Variants in FER1L6 observed in about 807,000 individuals in gnomAD.
FER1L6 encodes the protein fer-1-like protein 6.
A neutral mutation model predicts 219.2 loss-of-function variants in FER1L6; 177 were observed. That is an observed-to-expected ratio of 0.81 (90% confidence interval 0.71 to 0.91). The LOEUF (loss-of-function observed/expected upper bound fraction) is 0.91, where lower values mean the gene tolerates loss of function less well. FER1L6 is among the 40% of genes least tolerant of loss of function. The pLI is 0.00. For synonymous variants in FER1L6, 768 were observed against 824.3 expected (o/e 0.93, Z 1.17); for missense variants, 2,153 against 2,259.9 (o/e 0.95, Z 0.96).
intron 22 of FER1L6, among the ~76,000 whole-genome samples, chr8:124,057,301 G>A (rs1321474461): frequency 6.6e-6 from 1 of 152,110 alleles, no homozygotes; most frequent in Non-Finnish European, 1.5e-5. Flanking sequence ...TTTGGGCTGT[G>A]CTTTCTCTTT....
Position 123,948,863 on chromosome 8 carries a change from C to G in FER1L6, c.-7-7129C>G, listed in dbSNP as rs11985277. ...TATTGGTATGATACTGACTCAAGGACTTTTGTAAATATTGTTTGTCAGATT... is the reference window on the plus strand; with the variant it reads ...TATTGGTATGATACTGACTCAAGGAGTTTTGTAAATATTGTTTGTCAGATT... On this transcript the variant is annotated intron_variant, in intron 1 of 40. Transcript: ENST00000522917. Among the ~76,000 whole-genome samples the G allele has an allele frequency of 4.4e-3, 662 of 151,756 alleles. 8 individuals are homozygous for G. The highest frequency in any genetic ancestry group is 0.015 in the African/African-American group (617 of 41,340).
intron 22 of FER1L6, among the ~76,000 whole-genome samples, chr8:124,055,143 C>T (rs1820226931): frequency 6.6e-6 from 1 of 152,130 alleles, no homozygotes; most frequent in Admixed American, 6.5e-5. Context: ...CATAGACTCA[C>T]AGTAAAATAT....
chr8:123,988,888 TC>T (rs1484708299), intron 12 of FER1L6, among the ~76,000 whole-genome samples: 1 of 152,208 alleles, frequency 6.6e-6, no homozygotes, highest in Non-Finnish European at 1.5e-5. Flanking sequence ...AAAGTGGGCA[TC>T]TTTTTCTTCT....
intron 1 of FER1L6, among the ~76,000 whole-genome samples, chr8:123,933,243 C>A (rs551867146): frequency 6.6e-6 from 1 of 152,262 alleles, no homozygotes; most frequent in Admixed American, 6.5e-5. Flanking sequence ...CAAACCAGAG[C>A]AGAAAGTAAC....
chr8:124,013,308 A>T (rs1818028087), intron 14 of FER1L6, 123 bp from the exon 15 acceptor site: 1 of 536,698 alleles, frequency 1.9e-6, no homozygotes, highest in Admixed American at 3.2e-5. Flanking sequence ...AACTAGATAA[A>T]TCCTCCTTCA....
intron 13 of FER1L6, among the ~76,000 whole-genome samples, chr8:124,007,640 T>C (rs1817724141): frequency 6.6e-6 from 1 of 152,222 alleles, no homozygotes; most frequent in South Asian, 2.1e-4. Context: ...CATCTTTAAA[T>C]ATTCCTTCTG....
rs923556238 is a variant in FER1L6, at chr8:123,852,972, G to T, written c.-8+787G>T. ...TATGAAATATGTATTAGATATAGATGTATTCTATGTGTCTATTTAGCTACC... is the reference window on the plus strand; with the variant it reads ...TATGAAATATGTATTAGATATAGATTTATTCTATGTGTCTATTTAGCTACC... On this transcript the variant is annotated intron_variant, in intron 1 of 40. Coordinates refer to ENST00000522917, the MANE Select transcript of FER1L6 (RefSeq NM_001039112.2). This position sits in a 1 kb window ranked among gnomAD's most constrained non-coding sequence, Gnocchi z 4.9. 6.6e-6 allele frequency among the ~76,000 whole-genome samples: 1 copy of T among 152,082 alleles called. No individual in the cohort carries two copies. Among genetic ancestry groups the T allele is most frequent in the Non-Finnish European group, 1.5e-5 (1 of 68,022 alleles).
At chr8:123,855,611 A>C (rs1315259409) in intron 1 of FER1L6, among the ~76,000 whole-genome samples, 1 of 150,408 alleles carries the variant, frequency 6.6e-6, no homozygotes, top group Non-Finnish European at 1.5e-5. Flanking sequence ...TTCCCACTGG[A>C]CCCCACAAAG....
At chr8:123,887,394 C>G (rs957031021) in intron 1 of FER1L6, among the ~76,000 whole-genome samples, 5 of 152,148 alleles carry the variant, frequency 3.3e-5, no homozygotes, top group African/African-American at 1.2e-4. Flanking sequence ...CTGAGTGTCT[C>G]AGAAGCCCCA....
intron 32 of FER1L6, among the ~76,000 whole-genome samples, chr8:124,078,761 A>G (rs916765277): frequency 6.6e-6 from 1 of 152,082 alleles, no homozygotes; most frequent in African/African-American, 2.4e-5. Context: ...CAAAGTCCAG[A>G]GTGTAGGGAG....
In FER1L6 at chr8:124,049,579, A is replaced by C. The variant is rs368223758; in HGVS notation, c.2725-28A>C. ...GAACCAGGTAATTAATGATCAGGAA[A>C]TACAAACTCATTTCTTTTCTTCTTT... On this transcript the variant is annotated intron_variant, in intron 21 of 40. Transcript: ENST00000522917. The C allele has an allele frequency of 5.6e-6, 9 of 1,612,698 alleles. No homozygotes were observed. In the East Asian group the frequency reaches 2.0e-4, roughly 36 times the overall value.
rs2130276718 is a variant in FER1L6, at chr8:123,973,414, C to T, written c.448-20C>T. The stretch of plus-strand genomic sequence containing the variant: ...TCCTCAAGGTAAATCTGCCATACTC[C>T]CTGCTCTCTCTCTCCTCAGGTCTTT... On this transcript the variant is annotated intron_variant, in intron 6 of 40. Transcript: ENST00000522917. The T allele has an allele frequency of 8.1e-6, 13 of 1,599,902 alleles. No individual in the cohort carries two copies. Among genetic ancestry groups the T allele is most frequent in the East Asian group, 2.2e-5 (1 of 44,818 alleles).
chr8:123,898,158 ATGTTT>A (rs374163502), intron 1 of FER1L6, among the ~76,000 whole-genome samples: 2 of 152,340 alleles, frequency 1.3e-5, no homozygotes, highest in Non-Finnish European at 2.9e-5. Flanking sequence ...GTTATTATAT[ATGTTT>A]TAACAGATTT....
chr8:123,996,808 T>A (rs1477876712), intron 12 of FER1L6, among the ~76,000 whole-genome samples: 1 of 152,104 alleles, frequency 6.6e-6, no homozygotes, highest in African/African-American at 2.4e-5. Context: ...GATTTGAGGT[T>A]ATCATAAGGC....
Position 124,067,406 on chromosome 8 carries a change from G to A in FER1L6, c.3679-361G>A, listed in dbSNP as rs113220961. Among the ~76,000 whole-genome samples, 227 of 152,240 alleles carry A rather than the reference G, an allele frequency of 1.5e-3. 1 individual carries two copies. The East Asian group carries it at 0.016, about 11-fold the overall frequency. The stretch of plus-strand genomic sequence containing the variant: ...TGGTACCATCCCAAAGACCAGAAAC[G>A]CCAACAGACACAACTCATGGTGCAG... On this transcript the variant is annotated intron_variant, in intron 27 of 40. Transcript: ENST00000522917.
chr8:123,980,498 A>C lies in FER1L6; in HGVS notation c.1097A>C (p.Asn366Thr). Residue 366 changes from asparagine (N) to threonine (T), a missense_variant, in exon 11 of 41, where the codon AAC (asparagine) becomes ACC (threonine). By Grantham distance (65) the Asn-to-Thr change is moderately conservative. Coordinates refer to ENST00000522917, the MANE Select transcript of FER1L6 (RefSeq NM_001039112.2). ...CCCACCTTTGGGCCTGCCTGGATTA[A>C]CCTGTATGGCTCGCCCAGGAACCAC... ...FLPTFGPAWI[N>T]LYGSPRNHSL... 6.2e-7 allele frequency: 1 copy of C among 1,614,104 alleles called. No homozygotes were observed. The highest frequency in any genetic ancestry group is 8.5e-7 in the Non-Finnish European group (1 of 1,179,992).
chr8:124,044,369 G>A (rs536890544), intron 20 of FER1L6, among the ~76,000 whole-genome samples: 17 of 152,248 alleles, frequency 1.1e-4, no homozygotes, highest in Non-Finnish European at 2.1e-4. Flanking sequence ...CCCTAAAAGT[G>A]AAAAAGCAAG....
At chr8:124,024,856 A>G (rs1818634122) in intron 18 of FER1L6, among the ~76,000 whole-genome samples, 2 of 152,186 alleles carry the variant, frequency 1.3e-5, no homozygotes, top group South Asian at 4.1e-4. Flanking sequence ...AGCTGCATCC[A>G]TGCCAACATC....
chr8:124,113,879 T>A (rs974153826), intron 39 of FER1L6, among the ~76,000 whole-genome samples: 11 of 152,220 alleles, frequency 7.2e-5, no homozygotes, highest in Non-Finnish European at 1.6e-4. Context: ...ATCAGATGGC[T>A]CACTATTAGT....
Sources: gnomAD v4.1 joint callset for allele counts (sites outside exome capture counted in the v4.1 genomes callset) on GRCh38, gnomAD v4.1.1 for gene constraint, Gnocchi (gnomAD v3.1) non-coding constraint, MANE v1.5 for transcripts, NCBI Gene and HGNC (gene_info 2026-07-23, HGNC 2026-07-21) for gene names.